MBD5: variants seen among roughly 807,000 people sequenced by gnomAD.
MBD5 encodes the protein methyl-CpG-binding domain protein 5.
A neutral mutation model predicts 117.3 loss-of-function variants in MBD5; 13 were observed. That is an observed-to-expected ratio of 0.11 (90% CI 0.07 to 0.18). The LOEUF is 0.18. Among genes scored for constraint, MBD5 ranks in the 10% least tolerant of loss-of-function variants. The pLI is 1.00. For missense variants in MBD5, 1,879 were observed against 2,093.8 expected (o/e 0.90, Z 2.00); for synonymous variants, 727 against 766.4 (o/e 0.95, Z 0.85).
At chr2:148,072,817 T>C (rs1695398593) in intron 1 of MBD5, among the ~76,000 whole-genome samples, 1 of 152,188 alleles carries the variant, frequency 6.6e-6, no homozygotes, top group African/African-American at 2.4e-5. Flanking sequence ...GGGGGTAATA[T>C]TTCTTTTCAA....
At chr2:148,034,498 A>T (rs944401307) in intron 1 of MBD5, among the ~76,000 whole-genome samples, 2 of 152,202 alleles carry the variant, frequency 1.3e-5, no homozygotes, top group Non-Finnish European at 2.9e-5. Flanking sequence ...TTTTACTGCA[A>T]TATTTTTTCA....
intron 3 of MBD5, among the ~76,000 whole-genome samples, chr2:148,328,634 C>T (rs890777715): frequency 6.6e-6 from 1 of 152,250 alleles, no homozygotes; most frequent in Non-Finnish European, 1.5e-5. Flanking sequence ...CTTTCTTTGA[C>T]TAGGAAAGGG....
At chr2:148,491,600 A>C (rs550385436) in intron 11 of MBD5, among the ~76,000 whole-genome samples, 75 of 152,176 alleles carry the variant, frequency 4.9e-4, no homozygotes, top group African/African-American at 1.8e-3. Context: ...TGCCAGCACA[A>C]TAAAGGGATT....
chr2:148,069,617 A>G (rs1371021433), intron 1 of MBD5, among the ~76,000 whole-genome samples: 1 of 152,110 alleles, frequency 6.6e-6, no homozygotes, highest in African/African-American at 2.4e-5. Flanking sequence ...GTTTTTGTCT[A>G]TACAAGCCGC....
At chr2:148,480,044 G>GT (rs1681101715) in intron 8 of MBD5, among the ~76,000 whole-genome samples, 1 of 151,732 alleles carries the variant, frequency 6.6e-6, no homozygotes. Flanking sequence ...AAGAACAAGG[G>GT]TTTTTTTAAA....
intron 1 of MBD5, among the ~76,000 whole-genome samples, chr2:148,173,992 G>A (rs117274324): frequency 3.3e-3 from 509 of 152,082 alleles, no homozygotes; most frequent in East Asian, 8.3e-3. Flanking sequence ...AAGCAATCAT[G>A]AGCAAAAAAA....
In MBD5 at chr2:148,058,855, T is replaced by G. The variant is rs57687744; in HGVS notation, c.-925+37171T>G. Among the ~76,000 whole-genome samples the G allele has an allele frequency of 2.6e-3, 393 of 152,326 alleles. 1 individual carries two copies. Among genetic ancestry groups the G allele is most frequent in the African/African-American group, 8.9e-3 (369 of 41,594 alleles). ...CTGCCAGAATGCATTTTTTTGCGTA[T>G]TAAACATGGCATTCCAGAAGAACAT... On this transcript the variant is annotated intron_variant, in intron 1 of 13. Transcript: ENST00000642680.
chr2:148,366,798 C>A (rs957011528), intron 4 of MBD5, among the ~76,000 whole-genome samples: 3 of 152,100 alleles, frequency 2.0e-5, no homozygotes, highest in Admixed American at 6.6e-5. Context: ...TCAAGGAGAA[C>A]TACAGACCAC....
chr2:148,237,117 A>T (rs1453405386), intron 3 of MBD5, among the ~76,000 whole-genome samples: 1 of 152,234 alleles, frequency 6.6e-6, no homozygotes, highest in African/African-American at 2.4e-5. Flanking sequence ...TTTGGCTTAA[A>T]TAAATGTTGT....
intron 1 of MBD5, among the ~76,000 whole-genome samples, chr2:148,080,067 GAAAC>G (rs1323708843): frequency 1.3e-5 from 2 of 152,034 alleles, no homozygotes; most frequent in Admixed American, 6.5e-5. Context: ...AAACAAAATC[GAAAC>G]AAACAAGAAC....
At chr2:148,237,646 T>C (rs558490036) in intron 3 of MBD5, among the ~76,000 whole-genome samples, 1 of 152,238 alleles carries the variant, frequency 6.6e-6, no homozygotes, top group Admixed American at 6.5e-5. Flanking sequence ...AATGAAAAAG[T>C]TTGAAATATT....
At chr2:148,235,808 G>C (rs1163725030) in intron 3 of MBD5, among the ~76,000 whole-genome samples, 1 of 151,004 alleles carries the variant, frequency 6.6e-6, no homozygotes, top group South Asian at 2.1e-4. Flanking sequence ...AGTGTTTTGG[G>C]GGGTGGCGGG....
chr2:148,141,541 T>C (rs1697313790), intron 1 of MBD5, among the ~76,000 whole-genome samples: 1 of 152,092 alleles, frequency 6.6e-6, no homozygotes, highest in South Asian at 2.1e-4. Context: ...ACAATGAAAG[T>C]TGTCAGAAAA....
At chr2:148,298,016 C>T (rs1192285376) in intron 3 of MBD5, among the ~76,000 whole-genome samples, 1 of 152,206 alleles carries the variant, frequency 6.6e-6, no homozygotes, top group South Asian at 2.1e-4. Context: ...AGTGGCAAAC[C>T]TGTTTTATGA....
intron 3 of MBD5, among the ~76,000 whole-genome samples, chr2:148,283,657 T>C (rs1013836030): frequency 1.3e-5 from 2 of 152,154 alleles, no homozygotes; most frequent in Non-Finnish European, 2.9e-5. Context: ...TCATAAGAAA[T>C]GTGCTCTCCA....
intron 2 of MBD5, among the ~76,000 whole-genome samples, chr2:148,184,551 G>T (rs1698606266): frequency 6.6e-6 from 1 of 151,982 alleles, no homozygotes; most frequent in Admixed American, 6.6e-5. Context: ...CTTATTATAT[G>T]CCGCTAATAT....
intron 4 of MBD5, among the ~76,000 whole-genome samples, chr2:148,366,065 TA>T (rs1703687374): frequency 1.3e-5 from 2 of 152,038 alleles, no homozygotes; most frequent in Admixed American, 1.3e-4. Flanking sequence ...AATATCGATG[TA>T]AAAATCCTCA....
intron 4 of MBD5, among the ~76,000 whole-genome samples, chr2:148,431,947 G>A (rs1386181208): frequency 6.6e-6 from 1 of 152,084 alleles, no homozygotes; most frequent in South Asian, 2.1e-4. Flanking sequence ...TAAGCTCTTT[G>A]AGAAATCACC....
At position 148,444,341 on chromosome 2, in the gene MBD5, C is replaced by G. The variant is rs1258641889; in HGVS notation, c.-556-13862C>G. ...CCTTTCTTATTAAAGCAAATCATCA[C>G]TCTTTGATAATACTTTGTCAAGAAA... On this transcript the variant is annotated intron_variant, in intron 4 of 13. Coordinates refer to ENST00000642680, the MANE Select transcript of MBD5 (RefSeq NM_001378120.1). Among the ~76,000 whole-genome samples the G allele has an allele frequency of 2.0e-5, 3 of 151,224 alleles. 1 individual carries two copies. Among genetic ancestry groups the G allele is most frequent in the African/African-American group, 7.4e-5 (3 of 40,630 alleles).
Sources: allele counts gnomAD v4.1 joint callset (sites outside exome capture counted in the v4.1 genomes callset), GRCh38; gene constraint gnomAD v4.1.1; transcripts MANE v1.5; gene names NCBI Gene and HGNC (gene_info 2026-07-23, HGNC 2026-07-21).